Variants in IMMP1L observed in about 807,000 individuals in gnomAD.
IMMP1L encodes mitochondrial inner membrane protease subunit 1.
IMMP1L carries 24 observed loss-of-function variants against 21.8 expected under a neutral mutation model. The ratio of observed to expected loss-of-function variants is 1.10; its 90% CI spans 0.80 to 1.55. The LOEUF (loss-of-function observed/expected upper bound fraction) is 1.55, where lower values mean the gene tolerates loss of function less well. IMMP1L is among the 40% of genes most tolerant of loss of function. The pLI is 0.00. For synonymous variants in IMMP1L, 46 were observed against 62.8 expected, an observed-to-expected ratio of 0.73 and a Z score of 1.26; for missense variants, 195 against 200.7, an observed-to-expected ratio of 0.97 and a Z score of 0.17.
At chr11:31,502,259 A>G (rs1238442682) in intron 1 of IMMP1L, among the ~76,000 whole-genome samples, 1 of 152,236 alleles carries the variant, frequency 6.6e-6, no homozygotes, top group Non-Finnish European at 1.5e-5. Context: ...AAAAAGAGGT[A>G]GAATAATTAT....
intron 4 of IMMP1L, chr11:31,452,296 T>C: frequency 1.0e-6 from 1 of 983,694 alleles, no homozygotes; most frequent in Non-Finnish European, 1.2e-6. Context: ...TAGTCCTGGA[T>C]TATCACACAA....
At chr11:31,459,761 A>C (rs1459460697) in intron 3 of IMMP1L, among the ~76,000 whole-genome samples, 1 of 152,170 alleles carries the variant, frequency 6.6e-6, no homozygotes, top group Non-Finnish European at 1.5e-5. Flanking sequence ...TTAGTGACAC[A>C]CAATATTTGC....
At chr11:31,456,711 A>G (rs903915215) in intron 3 of IMMP1L, among the ~76,000 whole-genome samples, 1 of 151,784 alleles carries the variant, frequency 6.6e-6, no homozygotes, top group African/African-American at 2.4e-5. Context: ...TCTTAGAACC[A>G]AAATTGTGGA....
chr11:31,465,347 GAATT>G (rs1470756871), intron 1 of IMMP1L, among the ~76,000 whole-genome samples: 2 of 152,050 alleles, frequency 1.3e-5, no homozygotes, highest in Non-Finnish European at 2.9e-5. Context: ...TGGATTGGAA[GAATT>G]AATATTGTTC....
chr11:31,484,436 A>G (rs763416240), intron 1 of IMMP1L, among the ~76,000 whole-genome samples: 3 of 151,906 alleles, frequency 2.0e-5, no homozygotes, highest in Admixed American at 2.0e-4. Context: ...AAATGTTCAT[A>G]TAGAAAAAAA....
intron 4 of IMMP1L, among the ~76,000 whole-genome samples, chr11:31,442,033 T>C (rs1470313141): frequency 1.3e-5 from 2 of 152,208 alleles, no homozygotes; most frequent in Admixed American, 6.5e-5. Flanking sequence ...ATGAATGCCA[T>C]AAACTGTTTT....
chr11:31,503,374 G>A (rs927247838), intron 1 of IMMP1L, among the ~76,000 whole-genome samples: 2 of 151,856 alleles, frequency 1.3e-5, no homozygotes, highest in African/African-American at 4.8e-5. Flanking sequence ...TCAAAATGAA[G>A]GAATGTAGAA....
chr11:31,466,727 T>C (rs1007721744), intron 1 of IMMP1L, among the ~76,000 whole-genome samples: 4 of 151,982 alleles, frequency 2.6e-5, no homozygotes, highest in East Asian at 1.9e-4. Context: ...TATGGAAGTA[T>C]AGTGTAGAAT....
chr11:31,479,852 G>A (rs1002025919), intron 1 of IMMP1L, among the ~76,000 whole-genome samples: 2 of 151,974 alleles, frequency 1.3e-5, no homozygotes, highest in African/African-American at 2.4e-5. Flanking sequence ...GTTAATTATG[G>A]AAGAACAAAC....
intron 1 of IMMP1L, among the ~76,000 whole-genome samples, chr11:31,468,478 G>A (rs1424321184): frequency 1.3e-5 from 2 of 152,120 alleles, no homozygotes; most frequent in Non-Finnish European, 2.9e-5. Flanking sequence ...TTAAATCCAA[G>A]TGAAGTGTAT....
At chr11:31,494,648 T>C (rs1955373442) in intron 1 of IMMP1L, among the ~76,000 whole-genome samples, 1 of 145,626 alleles carries the variant, frequency 6.9e-6, no homozygotes, top group Admixed American at 6.9e-5. Flanking sequence ...TTTTCCAAAC[T>C]TTTTTTTTTT....
At chr11:31,472,380 G>A (rs1200104342) in intron 1 of IMMP1L, among the ~76,000 whole-genome samples, 1 of 152,190 alleles carries the variant, frequency 6.6e-6, no homozygotes, top group Non-Finnish European at 1.5e-5. Flanking sequence ...AACTTAGGAA[G>A]CGTTGTTCAG....
intron 1 of IMMP1L, among the ~76,000 whole-genome samples, chr11:31,471,305 G>C (rs965951383): frequency 6.6e-6 from 1 of 152,054 alleles, no homozygotes; most frequent in Non-Finnish European, 1.5e-5. Context: ...CTCAATGAAG[G>C]TGTTAACCCG....
At chr11:31,443,331 A>T (rs978615039) in intron 4 of IMMP1L, among the ~76,000 whole-genome samples, 1 of 152,222 alleles carries the variant, frequency 6.6e-6, no homozygotes, top group African/African-American at 2.4e-5. Flanking sequence ...AGCAGAAGCT[A>T]TAAACAAAAA....
chr11:31,480,324 A>G (rs1954854357), intron 1 of IMMP1L, among the ~76,000 whole-genome samples: 1 of 152,084 alleles, frequency 6.6e-6, no homozygotes, highest in South Asian at 2.1e-4. Flanking sequence ...CTGCTTTTCT[A>G]TTAGTCTTTT....
Position 31,484,103 on chromosome 11 carries a change from T to C in IMMP1L, c.-29-20798A>G, listed in dbSNP as rs569357966. On this transcript the variant is annotated intron_variant, in intron 1 of 5. Transcript: ENST00000532287. ...GAAAATAGAATAAAAATAGCTAATT[T>C]TACAGTAAATATAGCAGGCTTACCC... Among the ~76,000 whole-genome samples the C allele has an allele frequency of 1.3e-3, 200 of 151,976 alleles. 1 individual carries two copies. Among genetic ancestry groups the C allele is most frequent in the African/African-American group, 4.3e-3 (177 of 41,562 alleles).
intron 4 of IMMP1L, among the ~76,000 whole-genome samples, chr11:31,445,265 C>A (rs1953475091): frequency 6.6e-6 from 1 of 152,168 alleles, no homozygotes; most frequent in African/African-American, 2.4e-5. Flanking sequence ...GCATACTGTA[C>A]ACAGTATGTA....
chr11:31,487,077 T>C (rs866046226), intron 1 of IMMP1L, among the ~76,000 whole-genome samples: 1 of 151,806 alleles, frequency 6.6e-6, no homozygotes. Context: ...TATCACTATA[T>C]TTTACAACAA....
At chr11:31,483,009 T>C (rs932784352) in intron 1 of IMMP1L, among the ~76,000 whole-genome samples, 5 of 151,982 alleles carry the variant, frequency 3.3e-5, no homozygotes, top group African/African-American at 7.2e-5. Flanking sequence ...ACTACAACTA[T>C]ATAGATAAAT....
Sources: gnomAD v4.1 joint callset for allele counts (sites outside exome capture counted in the v4.1 genomes callset) on GRCh38, gnomAD v4.1.1 for gene constraint, MANE v1.5 for transcripts, NCBI Gene and HGNC (gene_info 2026-07-23, HGNC 2026-07-21) for gene names.